The following RIN3 variants were observed in gnomAD, a reference collection of about 807,000 sequenced individuals.
The protein encoded by RIN3 is Ras and Rab interactor 3, also known as RAB5 interacting protein 3.
Under a neutral mutation model 76.3 loss-of-function variants are expected in RIN3, and 54 were observed. The ratio of observed to expected loss-of-function variants is 0.71; its 90% confidence interval spans 0.57 to 0.89. The LOEUF (loss-of-function observed/expected upper bound fraction) is 0.89, where lower values mean the gene tolerates loss of function less well. Ranked by LOEUF, RIN3 falls within the 40% of genes least tolerant of loss-of-function variation. The pLI, the probability that RIN3 is intolerant of heterozygous loss-of-function variation, is 0.00. For missense variants in RIN3, 1,256 were observed against 1,322.1 expected (o/e 0.95, Z 0.78); for synonymous variants, 576 against 564.0 (o/e 1.02, Z -0.30).
At chr14:92,544,413 G>GT (rs1468748082) in intron 1 of RIN3, among the ~76,000 whole-genome samples, 2 of 74,454 alleles carry the variant, frequency 2.7e-5, no homozygotes, top group Admixed American at 2.3e-4. Flanking sequence ...TGTGACAGCT[G>GT]TGGGGGGGGG....
At chr14:92,523,848 A>G (rs1359700315) in intron 1 of RIN3, among the ~76,000 whole-genome samples, 1 of 152,098 alleles carries the variant, frequency 6.6e-6, no homozygotes, top group Non-Finnish European at 1.5e-5. Context: ...TCCCCATGCC[A>G]GTGTTCTCCA....
Position 92,592,642 on chromosome 14 carries a change from GTATTATTATTATTATTATTATTAT to G in RIN3, c.367+15191_367+15214del, listed in dbSNP as rs143659950. 2.4e-3 allele frequency among the ~76,000 whole-genome samples: 321 copies of G among 134,638 alleles called. 2 individuals carry two copies. Among genetic ancestry groups the G allele is most frequent in the African/African-American group, 8.4e-3 (302 of 35,992 alleles). 88.3% of individuals were successfully genotyped at this position (134,638 alleles called of 152,430 possible). A position where few individuals can be genotyped will look rare whatever the true frequency, so the allele number is the denominator to read the frequency against. On this transcript the variant is annotated intron_variant, in intron 3 of 9. Transcript: ENST00000216487. ...TTATACTGTATTGCTTTTAAATTTT[GTATTATTATTATTATTATTATTAT>G]TATTATTATTATTATTATTATTATT... is the stretch of plus-strand genomic sequence containing the variant.
At chr14:92,674,486 C>T (rs1223995439) in intron 7 of RIN3, among the ~76,000 whole-genome samples, 1 of 151,966 alleles carries the variant, frequency 6.6e-6, no homozygotes. Context: ...GCCTGTAGTC[C>T]CAGCTACTCA....
chr14:92,553,500 G>A (rs973343860), intron 1 of RIN3, among the ~76,000 whole-genome samples: 2 of 151,968 alleles, frequency 1.3e-5, no homozygotes, highest in South Asian at 2.1e-4. Flanking sequence ...GAGATTGTTC[G>A]GCCTCAATTC....
intron 1 of RIN3, among the ~76,000 whole-genome samples, chr14:92,518,503 A>C (rs1400319692): frequency 6.6e-6 from 1 of 152,178 alleles, no homozygotes; most frequent in Non-Finnish European, 1.5e-5. Context: ...GACCCCCACC[A>C]CAAGGCTACC....
chr14:92,592,926 G>A (rs1352687239), intron 3 of RIN3, among the ~76,000 whole-genome samples: 4 of 151,612 alleles, frequency 2.6e-5, no homozygotes, highest in East Asian at 1.9e-4. Context: ...CACCTGCCTC[G>A]GCCTCCCAAA....
chr14:92,601,465 G>T (rs529312413), intron 3 of RIN3, among the ~76,000 whole-genome samples: 1 of 152,194 alleles, frequency 6.6e-6, no homozygotes, highest in Non-Finnish European at 1.5e-5. Flanking sequence ...TCCCAAGCTT[G>T]CAGGGGAAAT....
chr14:92,543,839 G>A (rs919223003), intron 1 of RIN3, among the ~76,000 whole-genome samples: 2 of 151,728 alleles, frequency 1.3e-5, no homozygotes, highest in African/African-American at 4.8e-5. Flanking sequence ...TGTCCTAGAC[G>A]GGTGTTTTAT....
chr14:92,609,177 A>G (rs1210543504), intron 3 of RIN3, among the ~76,000 whole-genome samples: 2 of 152,156 alleles, frequency 1.3e-5, no homozygotes, highest in African/African-American at 4.8e-5. Context: ...ACCTCTTTAA[A>G]AACAAAAACA....
chr14:92,671,627 C>T (rs1295607281), intron 7 of RIN3, among the ~76,000 whole-genome samples: 1 of 152,152 alleles, frequency 6.6e-6, no homozygotes, highest in African/African-American at 2.4e-5. Flanking sequence ...CCTTCCATAG[C>T]CAGGGGATAC....
At chr14:92,594,913 G>A (rs971275109) in intron 3 of RIN3, among the ~76,000 whole-genome samples, 1 of 152,192 alleles carries the variant, frequency 6.6e-6, no homozygotes, top group Non-Finnish European at 1.5e-5. Flanking sequence ...TGGGCTGCCT[G>A]GACACTGAGC....
intron 5 of RIN3, among the ~76,000 whole-genome samples, chr14:92,642,099 TTTTC>T (rs1235595824): frequency 6.0e-5 from 9 of 151,254 alleles, no homozygotes; most frequent in Admixed American, 2.0e-4. Flanking sequence ...TTTCTTTTTC[TTTTC>T]TTTCTTTCTT....
chr14:92,532,218 T>G (rs1307642674), intron 1 of RIN3, among the ~76,000 whole-genome samples: 1 of 152,160 alleles, frequency 6.6e-6, no homozygotes, highest in East Asian at 1.9e-4. Context: ...CGTGACTCCC[T>G]TCTCTTATCT....
intron 7 of RIN3, among the ~76,000 whole-genome samples, chr14:92,671,559 G>T (rs534365019): frequency 6.6e-6 from 1 of 152,162 alleles, no homozygotes; most frequent in Admixed American, 6.5e-5. Context: ...TAGTAGGAAC[G>T]TGGGATTGTC....
At chr14:92,589,877 A>G (rs929115862) in intron 3 of RIN3, among the ~76,000 whole-genome samples, 4 of 152,214 alleles carry the variant, frequency 2.6e-5, no homozygotes, top group African/African-American at 9.6e-5. Flanking sequence ...ACCAAACTGA[A>G]AAGTCAACAA....
At chr14:92,544,568 G>GA (rs1317359068) in intron 1 of RIN3, among the ~76,000 whole-genome samples, 3 of 152,096 alleles carry the variant, frequency 2.0e-5, no homozygotes, top group African/African-American at 4.8e-5. Context: ...AAAATGCCAA[G>GA]AAAAAACAGC....
At chr14:92,649,257 C>T (rs1295873040) in intron 5 of RIN3, among the ~76,000 whole-genome samples, 5 of 152,172 alleles carry the variant, frequency 3.3e-5, no homozygotes, top group Non-Finnish European at 5.9e-5. Flanking sequence ...ATGACACCAC[C>T]TTCACCCACA....
Position 92,678,201 on chromosome 14 carries a change from T to C in RIN3, c.2467+1595T>C, listed in dbSNP as rs1447089917. The stretch of plus-strand genomic sequence containing the variant: ...ACCCATTCACCCATCCATCCATCCA[T>C]CCACCCACCCATTCACCCACCCATC... On this transcript the variant is annotated intron_variant, in intron 8 of 9. Transcript: ENST00000216487. Among the ~76,000 whole-genome samples, 3 of 138,422 alleles carry C rather than the reference T, an allele frequency of 2.2e-5. No homozygotes were observed. The South Asian group carries it at 7.6e-4, about 35-fold the overall frequency. The allele number at this position is 138,422 out of a possible 152,430, so 90.8% of individuals were successfully genotyped here.
chr14:92,638,076 G>A (rs979666909), intron 4 of RIN3, among the ~76,000 whole-genome samples: 4 of 152,198 alleles, frequency 2.6e-5, no homozygotes, highest in Non-Finnish European at 5.9e-5. Context: ...CGTCCTGTGT[G>A]TGCTTTCCTC....
Sources: gnomAD v4.1 joint callset for allele counts (sites outside exome capture counted in the v4.1 genomes callset) on GRCh38, gnomAD v4.1.1 for gene constraint, MANE v1.5 for transcripts, NCBI Gene and HGNC (gene_info 2026-07-23, HGNC 2026-07-21) for gene names.